Variants in TEP1 observed in about 807,000 individuals in gnomAD.
TEP1 encodes telomerase associated protein 1, also known as telomerase protein component 1.
TEP1 carries 241 observed loss-of-function variants against 306.3 expected under a neutral mutation model. The observed-to-expected ratio is 0.79, with a 90% CI of 0.71 to 0.88. The LOEUF (loss-of-function observed/expected upper bound fraction) is 0.88. Among genes scored for constraint, TEP1 ranks in the 40% least tolerant of loss-of-function variants. TEP1 has a pLI of 0.00. For missense variants in TEP1, 3,051 were observed against 3,276.1 expected (o/e 0.93, Z 1.68); for synonymous variants, 1,289 against 1,305.5 (o/e 0.99, Z 0.27).
intron 43 of TEP1, among the ~76,000 whole-genome samples, chr14:20,375,216 A>C (rs564831665): frequency 6.6e-6 from 1 of 151,988 alleles, no homozygotes; most frequent in East Asian, 1.9e-4. Context: ...CTTGTTGCCC[A>C]GGCTGGAGTG....
chr14:20,377,541 G>A (rs766474691), intron 40 of TEP1, 49 bp from the exon 41 acceptor site: 2 of 1,612,658 alleles, frequency 1.2e-6, no homozygotes, highest in Non-Finnish European at 1.7e-6. Flanking sequence ...GAAGGGGTAG[G>A]GGGCAGGGGC....
chr14:20,371,739 G>A (rs922954781), intron 49 of TEP1, 107 bp from the exon 50 acceptor site: 3 of 1,287,006 alleles, frequency 2.3e-6, no homozygotes, highest in African/African-American at 3.1e-5. Flanking sequence ...AAAGCAAAAT[G>A]TATCACCTTC....
At chr14:20,412,793 G>A (rs924521345) in intron 1 of TEP1, among the ~76,000 whole-genome samples, 3 of 150,370 alleles carry the variant, frequency 2.0e-5, no homozygotes, top group Non-Finnish European at 1.5e-5. Flanking sequence ...CGAGTAACTG[G>A]GATTACAGGC....
chr14:20,381,940 A>C lies in TEP1; in HGVS notation c.4397T>G (p.Phe1466Cys), dbSNP rs751757915. 4 of 1,614,078 alleles carry C rather than the reference A, an allele frequency of 2.5e-6. No individual in the cohort carries two copies. In the South Asian group the frequency reaches 4.4e-5, roughly 18 times the overall value. ...NSGDPYPMGPFACLVQSLRSL... is the reference protein window; with the variant it reads ...NSGDPYPMGPCACLVQSLRSL... ...GCGCAGACTCTGGACGAGGCAGGCA[A>C]ACGGGCCCATGGGGTAGGGGTCTCC... Residue 1466 changes from phenylalanine (F) to cysteine (C), a missense_variant, in exon 30 of 55, where the codon TTT (phenylalanine) becomes TGT (cysteine). By Grantham distance (205) the Phe-to-Cys change is radical. Coordinates refer to ENST00000262715, the MANE Select transcript of TEP1 (RefSeq NM_007110.5). The surrounding 1 kb of genome is among the most constrained non-coding windows in gnomAD (Gnocchi z 4.0).
rs762759586 is a variant in TEP1, at chr14:20,378,222, G to T, written c.5523C>A (p.Pro1841=). The change falls in exon 39 of 55, where the codon CCC becomes CCA. Residue 1841 remains proline (P), a synonymous_variant. Transcript: ENST00000262715. ...AGGCCAAGGTACGGATAGAGGCTCC[G>T]GGTGCCCCCAGGTCCTACACAGGGA... ...GLKVTKDLGA[P]GASIRTLAFN... 1.9e-6 allele frequency: 3 copies of T among 1,613,346 alleles called. No homozygotes were observed. The African/African-American group carries it at 4.0e-5, about 22-fold the overall frequency.
chr14:20,404,639 T>A lies in TEP1; in HGVS notation c.1004A>T (p.Asp335Val), dbSNP rs1398021811. Residue 335 changes from aspartate (D) to valine (V), a missense_variant, in exon 5 of 55, where the codon GAC becomes GTC. Physicochemically the swap from Asp to Val is radical, Grantham distance 152. Transcript: ENST00000262715. The stretch of plus-strand genomic sequence containing the variant: ...GTAAAGCTCAGCCACCTGGATCCAG[T>A]CAGAAGGCAGCTGGACAATGGCACA... ...YFCAIVQLPS[D>V]WIQVAELYQS... 1 of 1,613,840 alleles carries A rather than the reference T, an allele frequency of 6.2e-7. No individual in the cohort carries two copies. Among genetic ancestry groups the A allele is most frequent in the East Asian group, 2.2e-5 (1 of 44,858 alleles).
Position 20,384,178 on chromosome 14 carries a change from C to A in TEP1, c.3394G>T (p.Ala1132Ser), listed in dbSNP as rs759457098. 1.5e-5 allele frequency: 25 copies of A among 1,614,174 alleles called. No individual in the cohort carries two copies. The East Asian group carries it at 3.6e-4, about 23-fold the overall frequency. ...GGCTTCTGCAGCTGCTGGAAGGTGG[C>A]CTGGACCAAGTCATCGTCTGGGATG... ...VSIPDDDLVQ[A>S]TFQQLQKPPS... The change falls in exon 24 of 55, where the codon GCC becomes TCC. Residue 1132 changes from alanine to serine, a missense_variant. Physicochemically the swap from Ala to Ser is moderately conservative, Grantham distance 99. Coordinates refer to ENST00000262715, the MANE Select transcript of TEP1 (RefSeq NM_007110.5).
At chr14:20,391,833 G>T (rs1594355558) in intron 12 of TEP1, 66 bp from the exon 13 acceptor site, 1 of 1,559,832 alleles carries the variant, frequency 6.4e-7, no homozygotes, top group East Asian at 2.3e-5. Context: ...GGCAGACGGG[G>T]AGATGAGAAG....
At chr14:20,398,103 G>A (rs1274988230) in intron 9 of TEP1, among the ~76,000 whole-genome samples, 1 of 151,728 alleles carries the variant, frequency 6.6e-6, no homozygotes, top group African/African-American at 2.4e-5. Flanking sequence ...TTTTAGGCCG[G>A]GTGCAGTGGC....
At chr14:20,377,896 C>T in intron 39 of TEP1, 128 bp downstream of exon 39, 1 of 1,458,652 alleles carries the variant, frequency 6.9e-7, no homozygotes, top group Non-Finnish European at 9.4e-7. Context: ...CGGCACCCCT[C>T]TCCCCGTGGT....
At chr14:20,382,461 A>C in intron 28 of TEP1, 105 bp from the exon 29 acceptor site, 1 of 1,542,782 alleles carries the variant, frequency 6.5e-7, no homozygotes, top group Non-Finnish European at 8.8e-7. Flanking sequence ...AGGAATGAAA[A>C]AGTAAAGAAC....
chr14:20,403,445 T>A lies in TEP1; in HGVS notation c.1198A>T (p.Met400Leu), dbSNP rs1350664186. The change falls in exon 7 of 55, where the codon ATG (methionine) becomes TTG (leucine). Residue 400 changes from methionine (M) to leucine (L), a missense_variant. This residue lies in a region of TEP1 where 1,507 missense variants were observed against 1,550.5 expected (regional missense o/e 0.97). Coordinates refer to ENST00000262715, the MANE Select transcript of TEP1 (RefSeq NM_007110.5). ...HPRRPPRSPG[M>L]EPPFSHRCFP... ...CATCTGTGAGAAAATGGAGGCTCCATCCCCTGTAGGGACAGGAGAAGCAAT... is the reference window on the plus strand; with the variant it reads ...CATCTGTGAGAAAATGGAGGCTCCAACCCCTGTAGGGACAGGAGAAGCAAT... The A allele has an allele frequency of 6.2e-7, 1 of 1,614,012 alleles. No individual in the cohort carries two copies. Among genetic ancestry groups the A allele is most frequent in the African/African-American group, 1.3e-5 (1 of 74,904 alleles).
Position 20,401,628 on chromosome 14 carries a change from C to T in TEP1, c.1267-47G>A, listed in dbSNP as rs1425165218. On this transcript the variant is annotated intron_variant, in intron 7 of 54. Coordinates refer to ENST00000262715, the MANE Select transcript of TEP1 (RefSeq NM_007110.5). ...CCACAGGGGTCCTTTCATCCATGAC[C>T]ATGGGAACTTTCTTCAATAAAGCAG... 6 of 1,603,818 alleles carry T rather than the reference C, an allele frequency of 3.7e-6. No homozygotes were observed. The South Asian group carries it at 4.5e-5, about 12-fold the overall frequency.
intron 26 of TEP1, 52 bp downstream of exon 26, chr14:20,383,436 C>G: frequency 1.2e-6 from 2 of 1,612,500 alleles, no homozygotes; most frequent in Non-Finnish European, 1.7e-6. Flanking sequence ...CGTGCCGTAT[C>G]CCTCCTTCTC....
chr14:20,398,300 C>T (rs1027497929), intron 9 of TEP1, among the ~76,000 whole-genome samples: 1 of 150,934 alleles, frequency 6.6e-6, no homozygotes, highest in Non-Finnish European at 1.5e-5. Context: ...ATCACTTGAA[C>T]CTGGGAGGCG....
chr14:20,371,365 AG>A, intron 50 of TEP1, 51 bp from the exon 51 acceptor site: 1 of 1,594,670 alleles, frequency 6.3e-7, no homozygotes, highest in African/African-American at 1.3e-5. Context: ...AGAGAGGTAA[AG>A]AGAAGAACAC....
At position 20,378,230 on chromosome 14, in the gene TEP1, C is replaced by T; in HGVS notation, c.5515G>A (p.Gly1839Arg). ...VDGLKVTKDL[G>R]APGASIRTLA... ...GTACGGATAGAGGCTCCGGGTGCCC[C>T]CAGGTCCTACACAGGGAGGTAGAAA... Residue 1839 changes from glycine (G) to arginine (R), a missense_variant, in exon 39 of 55, where the codon GGG (glycine) becomes AGG (arginine). By Grantham distance (125) the Gly-to-Arg change is moderately radical. Around this residue, in one of 3 missense-constraint regions of TEP1, gnomAD observed 1,540 missense variants for 1,705.9 expected, o/e 0.90. Coordinates refer to ENST00000262715, the MANE Select transcript of TEP1 (RefSeq NM_007110.5). 6.2e-7 allele frequency: 1 copy of T among 1,613,592 alleles called. No individual in the cohort carries two copies. Among genetic ancestry groups the T allele is most frequent in the African/African-American group, 1.3e-5 (1 of 75,046 alleles).
At chr14:20,390,562 G>C (rs1877615818) in intron 15 of TEP1, 119 bp downstream of exon 15, 1 of 927,222 alleles carries the variant, frequency 1.1e-6, no homozygotes, top group South Asian at 1.5e-5. Flanking sequence ...AGCCAGTAGA[G>C]CTGATCTGAC....
intron 1 of TEP1, among the ~76,000 whole-genome samples, chr14:20,411,471 C>G (rs750480623): frequency 1.3e-5 from 2 of 152,150 alleles, no homozygotes; most frequent in African/African-American, 4.8e-5. Flanking sequence ...GTGCTGACAC[C>G]AAGCCCCAGT....
Sources: allele counts gnomAD v4.1 joint callset (sites outside exome capture counted in the v4.1 genomes callset), GRCh38; gene constraint gnomAD v4.1.1; regional missense constraint gnomAD v4.1.1; non-coding constraint Gnocchi (gnomAD v3.1); transcripts MANE v1.5; gene names NCBI Gene and HGNC (gene_info 2026-07-23, HGNC 2026-07-21).